SPHKAP: variants seen among roughly 807,000 people sequenced by gnomAD.
The protein encoded by SPHKAP is A-kinase anchor protein SPHKAP.
Under a neutral mutation model 137.5 loss-of-function variants are expected in SPHKAP, and 67 were observed. That is an observed-to-expected ratio of 0.49 (90% CI 0.40 to 0.60). The LOEUF (loss-of-function observed/expected upper bound fraction) is 0.60, where lower values mean the gene tolerates loss of function less well. Ranked by LOEUF, SPHKAP falls within the 20% of genes least tolerant of loss-of-function variation. The probability of loss-of-function intolerance (pLI) is 0.00; values close to 1 mark genes in which losing one functional copy is unlikely to be tolerated. For missense variants in SPHKAP, 2,097 were observed against 2,069.3 expected (o/e 1.01, Z -0.26); for synonymous variants, 813 against 785.3 (o/e 1.04, Z -0.59).
At chr2:228,100,816 T>C (rs1698163421) in intron 3 of SPHKAP, among the ~76,000 whole-genome samples, 1 of 152,140 alleles carries the variant, frequency 6.6e-6, no homozygotes, top group Admixed American at 6.6e-5. Context: ...GTTGTTGTTG[T>C]TGTGTGTTTG....
At chr2:228,166,817 T>C (rs1402662408) in intron 1 of SPHKAP, among the ~76,000 whole-genome samples, 2 of 152,190 alleles carry the variant, frequency 1.3e-5, no homozygotes, top group East Asian at 3.8e-4. Context: ...GAAAGCAGGT[T>C]TAATTGGCTC....
chr2:228,142,670 T>A (rs1699642433), intron 1 of SPHKAP, among the ~76,000 whole-genome samples: 1 of 151,806 alleles, frequency 6.6e-6, no homozygotes, highest in South Asian at 2.1e-4. Flanking sequence ...GACACCTAGA[T>A]GAGGACAACA....
chr2:227,989,361 C>G (rs192202207), intron 11 of SPHKAP, among the ~76,000 whole-genome samples: 7 of 152,114 alleles, frequency 4.6e-5, no homozygotes, highest in Admixed American at 3.9e-4. Context: ...TGTTTTTTCA[C>G]AGGCTTGTTG....
At chr2:228,161,648 G>A (rs765824704) in intron 1 of SPHKAP, among the ~76,000 whole-genome samples, 9 of 152,070 alleles carry the variant, frequency 5.9e-5, no homozygotes, top group South Asian at 4.1e-4. Context: ...CATGGCACAC[G>A]TTTACCTATG....
chr2:228,032,975 G>A (rs1260844015), intron 3 of SPHKAP, among the ~76,000 whole-genome samples: 1 of 152,206 alleles, frequency 6.6e-6, no homozygotes, highest in Middle Eastern at 3.4e-3. Context: ...ATCAACTAAC[G>A]AGCAAAATAA....
intron 1 of SPHKAP, among the ~76,000 whole-genome samples, chr2:228,161,028 G>GA (rs1283750479): frequency 7.9e-5 from 12 of 152,352 alleles, no homozygotes; most frequent in Non-Finnish European, 1.6e-4. Context: ...AGCTCACAGT[G>GA]AGTGGATAAG....
intron 2 of SPHKAP, among the ~76,000 whole-genome samples, chr2:228,128,587 C>G (rs1005762530): frequency 6.6e-6 from 1 of 152,126 alleles, no homozygotes; most frequent in Non-Finnish European, 1.5e-5. Flanking sequence ...AGAAGATTTT[C>G]TATCTACTTT....
chr2:228,113,315 T>C (rs932886606), intron 2 of SPHKAP, among the ~76,000 whole-genome samples: 70 of 152,256 alleles, frequency 4.6e-4, no homozygotes, highest in African/African-American at 1.7e-3. Context: ...TACACTATTA[T>C]CTGAATTAAA....
At chr2:228,004,994 T>C (rs1194194278) in intron 7 of SPHKAP, among the ~76,000 whole-genome samples, 1 of 152,214 alleles carries the variant, frequency 6.6e-6, no homozygotes, top group Non-Finnish European at 1.5e-5. Context: ...AATTTTGGAA[T>C]AGATGCGGTG....
intron 1 of SPHKAP, among the ~76,000 whole-genome samples, chr2:228,151,042 C>A (rs1208734395): frequency 1.3e-5 from 2 of 151,576 alleles, no homozygotes; most frequent in Non-Finnish European, 2.9e-5. Flanking sequence ...ATTAACTTGT[C>A]ATTTAGCATT....
intron 3 of SPHKAP, among the ~76,000 whole-genome samples, chr2:228,038,404 G>A (rs1695715626): frequency 6.6e-6 from 1 of 152,064 alleles, no homozygotes; most frequent in Admixed American, 6.6e-5. Flanking sequence ...TGAATGTTAT[G>A]TGTGACTAAA....
intron 3 of SPHKAP, among the ~76,000 whole-genome samples, chr2:228,079,793 A>G (rs1488504107): frequency 6.6e-6 from 1 of 152,162 alleles, no homozygotes; most frequent in African/African-American, 2.4e-5. Context: ...GGTTCACCCC[A>G]GTGGATCCTG....
At chr2:228,096,027 T>C (rs183716961) in intron 3 of SPHKAP, among the ~76,000 whole-genome samples, 13 of 152,306 alleles carry the variant, frequency 8.5e-5, no homozygotes, top group South Asian at 2.1e-4. Flanking sequence ...TGCTTTAAAG[T>C]GTTAAGTAAT....
intron 2 of SPHKAP, among the ~76,000 whole-genome samples, chr2:228,119,171 T>C (rs1302198155): frequency 1.3e-5 from 2 of 152,086 alleles, no homozygotes; most frequent in South Asian, 2.1e-4. Context: ...CAAACGTTCA[T>C]AGCAGGAGTG....
rs1174248166 is a variant in SPHKAP at position 227,995,510 on chromosome 2, T to C, written c.4633A>G (p.Ser1545Gly). 6.2e-7 allele frequency: 1 copy of C among 1,614,096 alleles called. No homozygotes were observed. Among genetic ancestry groups the C allele is most frequent in the Admixed American group, 1.7e-5 (1 of 60,034 alleles). Residue 1545 changes from serine to glycine, a missense_variant and splice_region_variant, in exon 8 of 12, where the codon AGC becomes GGC. Ser to Gly is a moderately conservative substitution (Grantham distance 56, BLOSUM62 0). Coordinates refer to ENST00000392056, the MANE Select transcript of SPHKAP (RefSeq NM_001142644.2). ...GGAATTCAAGGGAAGAGCAGGTACC[T>C]CATGGATCGCTCACTGAGCTGGAGA... The part of the protein sequence containing the change: ...SFLQLSERSM[S>G]NGNSSATSSL...
At chr2:228,171,752 G>A (rs555273370) in intron 1 of SPHKAP, among the ~76,000 whole-genome samples, 1 of 152,240 alleles carries the variant, frequency 6.6e-6, no homozygotes, top group East Asian at 1.9e-4. Flanking sequence ...GTTAATGTAA[G>A]GAAGGCAGGA....
chr2:228,149,728 C>CTT (rs55811986), intron 1 of SPHKAP, among the ~76,000 whole-genome samples: 71 of 151,906 alleles, frequency 4.7e-4, no homozygotes, highest in African/African-American at 1.5e-3. Context: ...AAAATTTTCC[C>CTT]TTTTTTTGTG....
chr2:228,059,406 C>CT (rs1480754417), intron 3 of SPHKAP, among the ~76,000 whole-genome samples: 1 of 152,156 alleles, frequency 6.6e-6, no homozygotes. Context: ...TAAAAGGACT[C>CT]TCTATAAACA....
At chr2:228,002,893 T>C (rs1233525222) in intron 7 of SPHKAP, among the ~76,000 whole-genome samples, 1 of 152,238 alleles carries the variant, frequency 6.6e-6, no homozygotes, top group Non-Finnish European at 1.5e-5. Context: ...TGTGGTATTA[T>C]TTCTGAGGGC....
Sources: allele counts gnomAD v4.1 joint callset (sites outside exome capture counted in the v4.1 genomes callset), GRCh38; gene constraint gnomAD v4.1.1; transcripts MANE v1.5; gene names NCBI Gene and HGNC (gene_info 2026-07-23, HGNC 2026-07-21).